Variants in COL26A1 observed in about 807,000 individuals in gnomAD.
COL26A1 encodes collagen type XXVI alpha 1 chain.
A neutral mutation model predicts 59.3 loss-of-function variants in COL26A1; 41 were observed. That is an observed-to-expected ratio of 0.69 (90% CI 0.54 to 0.90). COL26A1 has a LOEUF of 0.90. COL26A1 is among the 40% of genes least tolerant of loss of function. COL26A1 has a pLI of 0.00. For synonymous variants in COL26A1, 266 were observed against 256.0 expected, an observed-to-expected ratio of 1.04 and a Z score of -0.37; for missense variants, 612 against 602.3, an observed-to-expected ratio of 1.02 and a Z score of -0.17.
At chr7:101,370,490 C>G (rs1323087867) in intron 1 of COL26A1, among the ~76,000 whole-genome samples, 1 of 152,212 alleles carries the variant, frequency 6.6e-6, no homozygotes, top group South Asian at 2.1e-4. Flanking sequence ...CCTGCCTCAG[C>G]CTTCCGACTA....
intron 1 of COL26A1, among the ~76,000 whole-genome samples, chr7:101,386,170 C>A (rs1246157773): frequency 1.3e-5 from 2 of 151,332 alleles, no homozygotes; most frequent in Non-Finnish European, 2.9e-5. Flanking sequence ...GGGGATGATG[C>A]TGCAGTTGGC....
At chr7:101,486,041 C>T (rs1470577577) in intron 3 of COL26A1, among the ~76,000 whole-genome samples, 2 of 151,958 alleles carry the variant, frequency 1.3e-5, no homozygotes, top group African/African-American at 2.4e-5. Flanking sequence ...GGCACGGTGA[C>T]GGGCACCTGT....
chr7:101,373,482 G>A (rs780022303), intron 1 of COL26A1, among the ~76,000 whole-genome samples: 1 of 152,068 alleles, frequency 6.6e-6, no homozygotes, highest in African/African-American at 2.4e-5. Flanking sequence ...GGACTTGCAC[G>A]GATCAGGTGC....
chr7:101,363,214 C>G, intron 1 of COL26A1, 24 bp downstream of exon 1: 3 of 1,195,836 alleles, frequency 2.5e-6, no homozygotes, highest in Admixed American at 3.0e-5. Context: ...GGCCGAGGGG[C>G]CGGGGGGTGG....
intron 3 of COL26A1, among the ~76,000 whole-genome samples, chr7:101,500,782 T>C (rs1794687248): frequency 6.6e-6 from 1 of 151,742 alleles, no homozygotes; most frequent in African/African-American, 2.4e-5. Flanking sequence ...GATCGCGCCA[T>C]TGCACCCCAG....
At chr7:101,556,557 G>T (rs1464851874) in intron 12 of COL26A1, among the ~76,000 whole-genome samples, 1 of 152,080 alleles carries the variant, frequency 6.6e-6, no homozygotes, top group East Asian at 1.9e-4. Flanking sequence ...ATGGGTAGAT[G>T]CATGGATGAA....
rs151148895 is a variant in COL26A1 at position 101,370,630 on chromosome 7, C to T, written c.158+7440C>T. ...CAGGTTATCTGCCCACCTCATCCTC[C>T]CAAAGTGCTGGGATTACAGGCATGA... On this transcript the variant is annotated intron_variant, in intron 1 of 12. Transcript: ENST00000313669. Among the ~76,000 whole-genome samples, 1,367 of 152,262 alleles carry T rather than the reference C, an allele frequency of 9.0e-3. 21 individuals are homozygous for T. Among genetic ancestry groups the T allele is most frequent in the African/African-American group, 0.031 (1,283 of 41,534 alleles).
At chr7:101,488,349 AAT>A (rs368433793) in intron 3 of COL26A1, among the ~76,000 whole-genome samples, 41,228 of 104,214 alleles carry the variant, frequency 0.4, 7,430 homozygotes, top group Non-Finnish European at 0.5. Flanking sequence ...AATTTTATTT[AAT>A]ATATATATAT....
Position 101,557,760 on chromosome 7 carries a change from C to T in COL26A1, c.*230C>T, listed in dbSNP as rs559932765. The T allele has an allele frequency of 1.8e-4, 82 of 462,818 alleles. 1 individual carries two copies. Among genetic ancestry groups the T allele is most frequent in the Middle Eastern group, 1.7e-3 (3 of 1,796 alleles). The allele number at this position is 462,818 out of a possible 1,614,324, so 28.7% of individuals were successfully genotyped here. The stretch of plus-strand genomic sequence containing the variant: ...CTGTCCCCTCCCCTACCCCCACTCC[C>T]GGCTGGAGACGGGGTCTGGGTGGGC... On this transcript the variant is annotated 3_prime_UTR_variant, in exon 13 of 13. Transcript: ENST00000313669.
intron 5 of COL26A1, 74 bp from the exon 6 acceptor site, chr7:101,543,924 A>T: frequency 9.0e-7 from 1 of 1,111,728 alleles, no homozygotes; most frequent in Non-Finnish European, 1.3e-6. Flanking sequence ...CTGACAGCCC[A>T]GGGGGCCAGG....
chr7:101,540,887 A>G (rs1466800880), intron 5 of COL26A1, among the ~76,000 whole-genome samples: 5 of 152,062 alleles, frequency 3.3e-5, no homozygotes, highest in Non-Finnish European at 5.9e-5. Context: ...CACACCTATA[A>G]TCCCAGCACT....
At chr7:101,376,464 AGAG>A (rs1163544623) in intron 1 of COL26A1, among the ~76,000 whole-genome samples, 2 of 152,194 alleles carry the variant, frequency 1.3e-5, no homozygotes, top group South Asian at 2.1e-4. Flanking sequence ...AGGACTTCCT[AGAG>A]GAGTCTCCAT....
intron 2 of COL26A1, among the ~76,000 whole-genome samples, chr7:101,443,059 G>C (rs1377603243): frequency 6.6e-6 from 1 of 152,176 alleles, no homozygotes; most frequent in African/African-American, 2.4e-5. Context: ...GAATGTGTGT[G>C]CATGTATGTG....
intron 3 of COL26A1, among the ~76,000 whole-genome samples, chr7:101,488,349 A>AATATATATATAT (rs368433793): frequency 1.4e-4 from 15 of 104,966 alleles, no homozygotes; most frequent in South Asian, 9.2e-4. Context: ...AATTTTATTT[A>AATATATATATAT]ATATATATAT....
intron 2 of COL26A1, among the ~76,000 whole-genome samples, chr7:101,421,543 TG>T (rs1210908367): frequency 6.6e-6 from 1 of 151,606 alleles, no homozygotes; most frequent in Non-Finnish European, 1.5e-5. Flanking sequence ...GGCGTGGTGG[TG>T]GGCGCCTGCA....
chr7:101,386,673 A>G (rs1791584584), intron 1 of COL26A1, among the ~76,000 whole-genome samples: 1 of 152,160 alleles, frequency 6.6e-6, no homozygotes. Context: ...ACCCACTGGG[A>G]CAGCGCTGTG....
chr7:101,448,498 C>CTT (rs113067857), intron 3 of COL26A1, among the ~76,000 whole-genome samples: 7 of 146,130 alleles, frequency 4.8e-5, no homozygotes, highest in African/African-American at 1.5e-4. Flanking sequence ...TCTTCTTTTT[C>CTT]TTTTTTTTTT....
At chr7:101,502,772 C>T (rs1017931573) in intron 3 of COL26A1, among the ~76,000 whole-genome samples, 1 of 152,204 alleles carries the variant, frequency 6.6e-6, no homozygotes, top group African/African-American at 2.4e-5. Context: ...GGGACGCATG[C>T]CCCCCTCTTG....
At chr7:101,541,844 C>T (rs1795624269) in intron 5 of COL26A1, among the ~76,000 whole-genome samples, 2 of 152,190 alleles carry the variant, frequency 1.3e-5, no homozygotes, top group South Asian at 2.1e-4. Flanking sequence ...ATTTAGCAAA[C>T]AACACCTGTC....
Sources: gnomAD v4.1 joint callset for allele counts (sites outside exome capture counted in the v4.1 genomes callset) on GRCh38, gnomAD v4.1.1 for gene constraint, MANE v1.5 for transcripts, NCBI Gene and HGNC (gene_info 2026-07-23, HGNC 2026-07-21) for gene names.